AGMO: variants seen among roughly 807,000 people sequenced by gnomAD.
The protein encoded by AGMO is glyceryl-ether monooxygenase.
AGMO carries 75 observed loss-of-function variants against 60.2 expected under a neutral mutation model. The observed-to-expected ratio is 1.25, with a 90% CI of 1.03 to 1.51. AGMO has a LOEUF of 1.51. Ranked by LOEUF, AGMO falls within the 40% of genes most tolerant of loss-of-function variation. The pLI is 0.00. For synonymous variants in AGMO, 261 were observed against 177.1 expected, an observed-to-expected ratio of 1.47 and a Z score of -3.76; for missense variants, 763 against 525.5, an observed-to-expected ratio of 1.45 and a Z score of -4.42.
At chr7:15,555,754 T>C (rs1384049236) in intron 2 of AGMO, among the ~76,000 whole-genome samples, 1 of 151,980 alleles carries the variant, frequency 6.6e-6, no homozygotes, top group Admixed American at 6.6e-5. Flanking sequence ...GCAGTGAACC[T>C]TGCATTCACC....
At chr7:15,460,725 A>T (rs1399640718) in intron 3 of AGMO, among the ~76,000 whole-genome samples, 1 of 152,210 alleles carries the variant, frequency 6.6e-6, no homozygotes, top group East Asian at 1.9e-4. Context: ...TGCCAAATAT[A>T]TACCATCAGC....
At chr7:15,369,304 T>A (rs1269437066) in intron 10 of AGMO, among the ~76,000 whole-genome samples, 4 of 152,224 alleles carry the variant, frequency 2.6e-5, no homozygotes, top group African/African-American at 9.6e-5. Context: ...TAAGCTTATG[T>A]GAGATCATGT....
intron 12 of AGMO, among the ~76,000 whole-genome samples, chr7:15,209,642 G>A (rs1401934363): frequency 6.6e-6 from 1 of 152,132 alleles, no homozygotes; most frequent in East Asian, 1.9e-4. Context: ...AGATGGGACT[G>A]CACAAATGGT....
At chr7:15,395,948 G>A (rs555489367) in intron 5 of AGMO, 2 of 152,254 alleles carry the variant, frequency 1.3e-5, no homozygotes, top group South Asian at 4.2e-4. Flanking sequence ...TCTTGAAATG[G>A]AAGCTGTGGC....
the AGMO span, among the ~76,000 whole-genome samples, chr7:15,130,046 G>T: frequency 6.6e-6 from 1 of 152,024 alleles, no homozygotes; most frequent in Admixed American, 6.6e-5. Context: ...ATTGCAAAGT[G>T]CTACATGCGA....
At chr7:15,548,187 A>G (rs553842133) in intron 2 of AGMO, among the ~76,000 whole-genome samples, 1 of 152,340 alleles carries the variant, frequency 6.6e-6, no homozygotes, top group East Asian at 1.9e-4. Flanking sequence ...ATCAAAGACC[A>G]AAAGTAGATA....
intron 5 of AGMO, among the ~76,000 whole-genome samples, chr7:15,404,721 C>T (rs1052229205): frequency 6.6e-6 from 1 of 151,794 alleles, no homozygotes; most frequent in Non-Finnish European, 1.5e-5. Flanking sequence ...TTGACTCTTT[C>T]TAAAGCTCAC....
At chr7:15,432,159 C>G (rs1053961526) in intron 3 of AGMO, among the ~76,000 whole-genome samples, 1 of 151,384 alleles carries the variant, frequency 6.6e-6, no homozygotes, top group African/African-American at 2.4e-5. Flanking sequence ...GAAATTAAAT[C>G]TTTTAGGCTT....
intron 12 of AGMO, among the ~76,000 whole-genome samples, chr7:15,313,901 T>TACTA (rs1315260575): frequency 6.6e-6 from 1 of 151,952 alleles, no homozygotes; most frequent in Non-Finnish European, 1.5e-5. Context: ...TACCTTGCTG[T>TACTA]ACTATACTCA....
chr7:15,466,627 C>T (rs1239411615), intron 3 of AGMO, among the ~76,000 whole-genome samples: 2 of 152,078 alleles, frequency 1.3e-5, no homozygotes, highest in African/African-American at 4.8e-5. Context: ...AATATCTGCT[C>T]ATCTGTTTAT....
At chr7:15,123,311 T>C in the AGMO span, among the ~76,000 whole-genome samples, 1 of 152,104 alleles carries the variant, frequency 6.6e-6, no homozygotes, top group African/African-American at 2.4e-5. Context: ...CCTAAGATAG[T>C]ATACAGTTTA....
intron 4 of AGMO, among the ~76,000 whole-genome samples, chr7:15,426,928 G>A (rs1781081894): frequency 6.6e-6 from 1 of 152,058 alleles, no homozygotes; most frequent in Admixed American, 6.6e-5. Context: ...GATGAAACTG[G>A]AGAGACGAAA....
chr7:15,275,013 C>T (rs537989087), intron 12 of AGMO, among the ~76,000 whole-genome samples: 1 of 151,594 alleles, frequency 6.6e-6, no homozygotes, highest in African/African-American at 2.4e-5. Flanking sequence ...TTTTGTTGAT[C>T]TTTTGTACCA....
chr7:15,241,968 C>T (rs1267327704), intron 12 of AGMO, among the ~76,000 whole-genome samples: 6 of 152,120 alleles, frequency 3.9e-5, no homozygotes, highest in African/African-American at 1.4e-4. Flanking sequence ...CATTCCTTGT[C>T]ACATATATTT....
chr7:15,185,611 C>T, the AGMO span, among the ~76,000 whole-genome samples: 1 of 152,234 alleles, frequency 6.6e-6, no homozygotes, highest in Non-Finnish European at 1.5e-5. Context: ...GTCCTGCTCA[C>T]GGAGGCCAGG....
the AGMO span, among the ~76,000 whole-genome samples, chr7:15,172,683 T>G: frequency 6.6e-6 from 1 of 152,114 alleles, no homozygotes; most frequent in Admixed American, 6.5e-5. Flanking sequence ...GCTCAGCAAT[T>G]AAGCTTCTCT....
At chr7:15,230,027 A>G (rs1351261074) in intron 12 of AGMO, among the ~76,000 whole-genome samples, 1 of 151,908 alleles carries the variant, frequency 6.6e-6, no homozygotes, top group Non-Finnish European at 1.5e-5. Context: ...TACAATTTAC[A>G]TTAATTTCTT....
chr7:15,369,340 GC>G (rs1423699513), intron 10 of AGMO, among the ~76,000 whole-genome samples: 1 of 151,908 alleles, frequency 6.6e-6, no homozygotes, highest in African/African-American at 2.4e-5. Flanking sequence ...CCCTCCAGGG[GC>G]TCACTCAGAA....
intron 9 of AGMO, among the ~76,000 whole-genome samples, chr7:15,385,796 C>A (rs991440818): frequency 6.6e-6 from 1 of 152,048 alleles, no homozygotes; most frequent in African/African-American, 2.4e-5. Context: ...ACAATATGTG[C>A]AAATAATAAA....
Sources: allele counts gnomAD v4.1 joint callset (sites outside exome capture counted in the v4.1 genomes callset), GRCh38; gene constraint gnomAD v4.1.1; transcripts MANE v1.5; gene names NCBI Gene and HGNC (gene_info 2026-07-23, HGNC 2026-07-21).